Variants in WASF3 observed in about 807,000 individuals in gnomAD.
The protein encoded by WASF3 is WASP family member 3.
Under a neutral mutation model 46.6 loss-of-function variants are expected in WASF3, and 11 were observed. That is an observed-to-expected ratio of 0.24 (90% CI 0.15 to 0.39). The LOEUF (loss-of-function observed/expected upper bound fraction) is 0.39, where lower values mean the gene tolerates loss of function less well. WASF3 is among the 10% of genes least tolerant of loss of function. The pLI is 1.00. For missense variants in WASF3, 576 were observed against 669.8 expected (o/e 0.86, Z 1.55); for synonymous variants, 242 against 259.7 (o/e 0.93, Z 0.65).
At chr13:26,550,817 T>C in the WASF3 span, among the ~76,000 whole-genome samples, 3 of 152,164 alleles carry the variant, frequency 2.0e-5, no homozygotes, top group African/African-American at 7.2e-5. Flanking sequence ...CAGTGTCTGG[T>C]GGGGAAGTGG....
chr13:26,683,973 T>C (rs559390093), intron 9 of WASF3, among the ~76,000 whole-genome samples: 14 of 152,190 alleles, frequency 9.2e-5, no homozygotes, highest in Non-Finnish European at 1.6e-4. Flanking sequence ...TGCACAGACT[T>C]GGTCACAGTT....
chr13:26,635,569 C>T (rs1384842421), intron 2 of WASF3, among the ~76,000 whole-genome samples: 1 of 152,204 alleles, frequency 6.6e-6, no homozygotes, highest in African/African-American at 2.4e-5. Context: ...AGAAAACGTG[C>T]TCTGGTTTTT....
chr13:26,603,399 A>C (rs1472255500), intron 1 of WASF3, among the ~76,000 whole-genome samples: 1 of 152,240 alleles, frequency 6.6e-6, no homozygotes, highest in Non-Finnish European at 1.5e-5. Context: ...AAAAACACAA[A>C]TAACTAGTTG....
intron 3 of WASF3, among the ~76,000 whole-genome samples, chr13:26,654,026 C>T (rs954690316): frequency 6.6e-6 from 1 of 152,188 alleles, no homozygotes; most frequent in Admixed American, 6.5e-5. Flanking sequence ...GAAATGACGT[C>T]AGTCATCTTC....
intron 1 of WASF3, among the ~76,000 whole-genome samples, chr13:26,576,375 C>A (rs1277889716): frequency 6.6e-6 from 1 of 151,814 alleles, no homozygotes; most frequent in Non-Finnish European, 1.5e-5. Context: ...GGGTCTTGAA[C>A]TGTAAGAGGT....
chr13:26,666,866 CAAAA>C (rs1168774717), intron 4 of WASF3, among the ~76,000 whole-genome samples: 1 of 62,806 alleles, frequency 1.6e-5, no homozygotes, highest in Non-Finnish European at 3.3e-5. Context: ...AAGACTGTCT[CAAAA>C]AAAAAAAAAA....
intron 1 of WASF3, among the ~76,000 whole-genome samples, chr13:26,600,986 A>G (rs920722114): frequency 2.0e-5 from 3 of 152,198 alleles, no homozygotes; most frequent in Non-Finnish European, 4.4e-5. Flanking sequence ...TATAGGTTAT[A>G]TAGTAGATAG....
At chr13:26,662,212 A>G (rs1882651246) in intron 3 of WASF3, among the ~76,000 whole-genome samples, 1 of 152,238 alleles carries the variant, frequency 6.6e-6, no homozygotes, top group South Asian at 2.1e-4. Context: ...TGGGAATGTA[A>G]ATTAGTTCAG....
intron 1 of WASF3, among the ~76,000 whole-genome samples, chr13:26,581,052 T>C (rs1879966365): frequency 6.6e-6 from 1 of 151,452 alleles, no homozygotes; most frequent in African/African-American, 2.4e-5. Context: ...CACCTCAGCC[T>C]CCTGAGTAGC....
intron 1 of WASF3, among the ~76,000 whole-genome samples, chr13:26,588,454 C>A (rs966623154): frequency 6.6e-6 from 1 of 152,152 alleles, no homozygotes; most frequent in Non-Finnish European, 1.5e-5. Flanking sequence ...TAGTGTCTGT[C>A]CCCATTCAGT....
intron 2 of WASF3, chr13:26,619,437 T>C (rs565890067): frequency 6.6e-6 from 1 of 152,310 alleles, no homozygotes; most frequent in East Asian, 1.9e-4. Flanking sequence ...CTGGCAGACA[T>C]CAAATGGAAT....
At chr13:26,593,935 A>G (rs1880378812) in intron 1 of WASF3, among the ~76,000 whole-genome samples, 1 of 152,160 alleles carries the variant, frequency 6.6e-6, no homozygotes, top group Non-Finnish European at 1.5e-5. Context: ...TCTGTGTTTT[A>G]TTACATACAT....
intron 2 of WASF3, among the ~76,000 whole-genome samples, chr13:26,618,450 C>T (rs377118362): frequency 2.0e-5 from 3 of 152,106 alleles, no homozygotes; most frequent in East Asian, 3.9e-4. Flanking sequence ...TTCTCTGACA[C>T]ACACTCTCTC....
chr13:26,581,626 A>G (rs1359110396), intron 1 of WASF3, among the ~76,000 whole-genome samples: 1 of 145,586 alleles, frequency 6.9e-6, no homozygotes, highest in African/African-American at 2.6e-5. Context: ...GTTCTGCTTT[A>G]AAAAAAAAAG....
At chr13:26,576,584 A>C (rs1298327731) in intron 1 of WASF3, among the ~76,000 whole-genome samples, 2 of 152,328 alleles carry the variant, frequency 1.3e-5, no homozygotes, top group African/African-American at 2.4e-5. Context: ...AGTGTGGTAC[A>C]TCATGTGCTT....
intron 1 of WASF3, among the ~76,000 whole-genome samples, chr13:26,602,900 G>A (rs1880683735): frequency 6.6e-6 from 1 of 152,146 alleles, no homozygotes; most frequent in African/African-American, 2.4e-5. Context: ...TTGTCCAAAT[G>A]TAAGACTCAA....
intron 1 of WASF3, among the ~76,000 whole-genome samples, chr13:26,608,604 T>C (rs924142569): frequency 6.6e-5 from 10 of 152,268 alleles, no homozygotes; most frequent in Admixed American, 3.9e-4. Context: ...CTATAAGAGG[T>C]CAATTATGTG....
intron 1 of WASF3, among the ~76,000 whole-genome samples, chr13:26,595,195 C>G (rs1880424201): frequency 6.6e-6 from 1 of 152,150 alleles, no homozygotes; most frequent in African/African-American, 2.4e-5. Context: ...GACTTGATGT[C>G]TTTTTGGTGT....
intron 1 of WASF3, among the ~76,000 whole-genome samples, chr13:26,572,398 A>G (rs1474767218): frequency 6.6e-6 from 1 of 152,210 alleles, no homozygotes; most frequent in East Asian, 1.9e-4. Context: ...TTAAGAAAGT[A>G]TGCGTCTACT....
Sources: allele counts gnomAD v4.1 joint callset (sites outside exome capture counted in the v4.1 genomes callset), GRCh38; gene constraint gnomAD v4.1.1; transcripts MANE v1.5; gene names NCBI Gene and HGNC (gene_info 2026-07-23, HGNC 2026-07-21).